The following SNTG1 variants were observed in gnomAD, a reference collection of about 807,000 sequenced individuals.
The protein encoded by SNTG1 is gamma-1-syntrophin.
SNTG1 carries 39 observed loss-of-function variants against 74.7 expected under a neutral mutation model. The observed-to-expected ratio is 0.52, with a 90% confidence interval of 0.40 to 0.68. SNTG1 has a LOEUF of 0.68. Among genes scored for constraint, SNTG1 ranks in the 30% least tolerant of loss-of-function variants. SNTG1 has a pLI of 0.00. For missense variants in SNTG1, 685 were observed against 609.5 expected, an observed-to-expected ratio of 1.12 and a Z score of -1.30; for synonymous variants, 254 against 217.1, an observed-to-expected ratio of 1.17 and a Z score of -1.49.
In SNTG1 at chr8:50,708,893, C is replaced by T; in HGVS notation, c.1199C>T (p.Thr400Ile). The T allele has an allele frequency of 6.2e-7, 1 of 1,611,304 alleles. No individual in the cohort carries two copies. Among genetic ancestry groups the T allele is most frequent in the Non-Finnish European group, 8.5e-7 (1 of 1,177,716 alleles). ...ACTTTCTGTTCTACCTAGTGCAAGA[C>T]CTATGCATGTGTGCTAGAAAGTCAT... Reference protein sequence around the residue: ...FLEVERIQCKTYACVLESHLM... With the variant: ...FLEVERIQCKIYACVLESHLM... The change falls in exon 17 of 19, where the codon ACC (threonine) becomes ATC (isoleucine). Residue 400 changes from threonine to isoleucine, a missense_variant. Thr to Ile is a moderately conservative substitution (Grantham distance 89). Coordinates refer to ENST00000642720, the MANE Select transcript of SNTG1 (RefSeq NM_018967.5).
intron 11 of SNTG1, among the ~76,000 whole-genome samples, chr8:50,543,917 A>G (rs1480885163): frequency 2.0e-5 from 3 of 152,056 alleles, no homozygotes; most frequent in African/African-American, 7.2e-5. Flanking sequence ...CTTGATTTGC[A>G]TATTATAATG....
chr8:50,158,198 T>C (rs1380102069), intron 1 of SNTG1, among the ~76,000 whole-genome samples: 1 of 152,182 alleles, frequency 6.6e-6, no homozygotes, highest in African/African-American at 2.4e-5. Context: ...GGTAGATCCA[T>C]GATATCCAAA....
At chr8:50,461,156 G>GGTGTGTGTGTGTGTGT (rs71233496) in intron 8 of SNTG1, among the ~76,000 whole-genome samples, 2 of 124,174 alleles carry the variant, frequency 1.6e-5, no homozygotes, top group African/African-American at 6.0e-5. Context: ...AGATTTTTCT[G>GGTGTGTGTGTGTGTGT]GTGTGTGTGT....
At chr8:50,015,122 C>G (rs1382081004) in intron 1 of SNTG1, among the ~76,000 whole-genome samples, 1 of 151,426 alleles carries the variant, frequency 6.6e-6, no homozygotes, top group Non-Finnish European at 1.5e-5. Context: ...TGAGGGAAAC[C>G]ATGTTGAAAT....
intron 11 of SNTG1, among the ~76,000 whole-genome samples, chr8:50,547,519 A>G (rs1418424009): frequency 6.6e-6 from 1 of 152,162 alleles, no homozygotes; most frequent in Non-Finnish European, 1.5e-5. Flanking sequence ...AGGGCAAATT[A>G]TCTTGCCAAA....
chr8:50,402,263 G>T lies in SNTG1; in HGVS notation c.81G>T (p.Val27=). 1.2e-6 allele frequency: 2 copies of T among 1,613,342 alleles called. No homozygotes were observed. Among genetic ancestry groups the T allele is most frequent in the Non-Finnish European group, 1.7e-6 (2 of 1,179,822 alleles). Residue 27 remains valine (V), a synonymous_variant, in exon 4 of 19, where the codon GTG becomes GTT. Coordinates refer to ENST00000642720, the MANE Select transcript of SNTG1 (RefSeq NM_018967.5). ...ATGGTAACCAGGAGCCTTTCAAAGT[G>T]CGGCTGCACCTAGCCAAAGACATTT... is the stretch of plus-strand genomic sequence containing the variant. ...LQDGNQEPFK[V]RLHLAKDILM...
chr8:50,293,450 C>T (rs2089220838), intron 2 of SNTG1, among the ~76,000 whole-genome samples: 1 of 151,078 alleles, frequency 6.6e-6, no homozygotes, highest in South Asian at 2.1e-4. Flanking sequence ...TGCTCTGCCA[C>T]CCAGGCTGGA....
At chr8:50,665,251 AAGT>A (rs2095245086) in intron 15 of SNTG1, among the ~76,000 whole-genome samples, 1 of 152,080 alleles carries the variant, frequency 6.6e-6, no homozygotes, top group Admixed American at 6.6e-5. Context: ...TTGATCAACT[AAGT>A]AGATATGTTA....
At chr8:50,533,781 A>G (rs533351601) in intron 10 of SNTG1, among the ~76,000 whole-genome samples, 2 of 152,314 alleles carry the variant, frequency 1.3e-5, no homozygotes. Flanking sequence ...TGACATACTT[A>G]TACCTTTGGT....
intron 2 of SNTG1, among the ~76,000 whole-genome samples, chr8:50,218,857 G>T (rs2084920012): frequency 1.3e-5 from 2 of 152,138 alleles, no homozygotes; most frequent in African/African-American, 4.8e-5. Context: ...ATCCAGAGAG[G>T]CAGAAACAAT....
chr8:50,179,749 A>G (rs2083132179), intron 2 of SNTG1, among the ~76,000 whole-genome samples: 1 of 152,248 alleles, frequency 6.6e-6, no homozygotes, highest in African/African-American at 2.4e-5. Context: ...ACATCTGTTA[A>G]GATGGCTATA....
At chr8:50,295,681 C>T (rs2089329783) in intron 2 of SNTG1, among the ~76,000 whole-genome samples, 1 of 152,146 alleles carries the variant, frequency 6.6e-6, no homozygotes, top group African/African-American at 2.4e-5. Context: ...TAACTATTCT[C>T]ATTGTTTTAG....
At chr8:49,993,949 A>G (rs901064338) in intron 1 of SNTG1, among the ~76,000 whole-genome samples, 4 of 152,116 alleles carry the variant, frequency 2.6e-5, no homozygotes, top group Non-Finnish European at 5.9e-5. Flanking sequence ...TTAAGCATGT[A>G]AACATATGGG....
intron 1 of SNTG1, among the ~76,000 whole-genome samples, chr8:50,077,371 A>G (rs1015895568): frequency 5.9e-5 from 9 of 152,270 alleles, no homozygotes; most frequent in African/African-American, 2.2e-4. Context: ...ATTATACAGG[A>G]TATTACTAAG....
chr8:49,949,130 G>A (rs1417566901), intron 1 of SNTG1, among the ~76,000 whole-genome samples: 1 of 152,130 alleles, frequency 6.6e-6, no homozygotes, highest in Non-Finnish European at 1.5e-5. Context: ...CAGGCCTGAT[G>A]GTTCTAAAAG....
chr8:50,053,578 A>C (rs1563527273), intron 1 of SNTG1, among the ~76,000 whole-genome samples: 1 of 150,932 alleles, frequency 6.6e-6, no homozygotes, highest in Non-Finnish European at 1.5e-5. Flanking sequence ...ACAATGAATG[A>C]ATTATATTTT....
intron 12 of SNTG1, among the ~76,000 whole-genome samples, chr8:50,557,512 CTG>C (rs1374051271): frequency 6.6e-6 from 1 of 152,172 alleles, no homozygotes; most frequent in East Asian, 1.9e-4. Context: ...CCTCTGGACT[CTG>C]TAATGCAGAA....
chr8:50,526,887 G>T (rs112963697), intron 9 of SNTG1, among the ~76,000 whole-genome samples: 5,690 of 152,096 alleles, frequency 0.037, 372 homozygotes, highest in African/African-American at 0.13. Context: ...CACCAAAAGT[G>T]CTAGGATTAC....
chr8:50,791,496 A>G (rs1421235256), intron 18 of SNTG1, among the ~76,000 whole-genome samples: 4 of 151,790 alleles, frequency 2.6e-5, no homozygotes, highest in African/African-American at 9.7e-5. Flanking sequence ...CTCCTGTTGC[A>G]TGACCTGAGA....
Sources: allele counts gnomAD v4.1 joint callset (sites outside exome capture counted in the v4.1 genomes callset), GRCh38; gene constraint gnomAD v4.1.1; transcripts MANE v1.5; gene names NCBI Gene and HGNC (gene_info 2026-07-23, HGNC 2026-07-21).